The following NAALADL2 variants were observed in gnomAD, a reference collection of about 807,000 sequenced individuals.
NAALADL2 encodes the protein N-acetylated alpha-linked acidic dipeptidase like 2.
A neutral mutation model predicts 87.2 loss-of-function variants in NAALADL2; 76 were observed. The ratio of observed to expected loss-of-function variants is 0.87; its 90% confidence interval spans 0.72 to 1.05. NAALADL2 has a LOEUF of 1.05. NAALADL2 is among the 50% of genes least tolerant of loss of function. The pLI is 0.00. For synonymous variants in NAALADL2, 354 were observed against 331.0 expected, an observed-to-expected ratio of 1.07 and a Z score of -0.75; for missense variants, 1,089 against 945.8, an observed-to-expected ratio of 1.15 and a Z score of -1.99.
In NAALADL2 at chr3:175,090,032, C is replaced by T. The variant is rs75322379; in HGVS notation, c.44-6758C>T. Among the ~76,000 whole-genome samples, 1,005 of 152,126 alleles carry T rather than the reference C, an allele frequency of 6.6e-3. 13 individuals carry two copies. The highest frequency in any genetic ancestry group is 0.023 in the African/African-American group (972 of 41,508). ...GTGTGTTTCTAGTGTAAGCCACTTC[C>T]TACACTCTGAAGGTAGAAAGTATGT... On this transcript the variant is annotated intron_variant, in intron 1 of 13. Transcript: ENST00000454872.
chr3:175,268,059 G>A (rs955207196), intron 4 of NAALADL2, among the ~76,000 whole-genome samples: 2 of 152,128 alleles, frequency 1.3e-5, no homozygotes, highest in Non-Finnish European at 2.9e-5. Context: ...GAATAATACA[G>A]GCATGCATCA....
intron 5 of NAALADL2, among the ~76,000 whole-genome samples, chr3:175,331,970 G>A (rs1021124471): frequency 2.6e-5 from 4 of 152,062 alleles, no homozygotes; most frequent in Non-Finnish European, 5.9e-5. Flanking sequence ...AATAAAAAAC[G>A]CAATCCCATT....
intron 5 of NAALADL2, among the ~76,000 whole-genome samples, chr3:175,428,717 T>A (rs1325990133): frequency 6.6e-6 from 1 of 152,094 alleles, no homozygotes; most frequent in African/African-American, 2.4e-5. Flanking sequence ...CTGGGACAAC[T>A]ATAGCTGCCT....
At chr3:175,142,699 G>A (rs1730178669) in intron 2 of NAALADL2, among the ~76,000 whole-genome samples, 1 of 151,768 alleles carries the variant, frequency 6.6e-6, no homozygotes, top group Admixed American at 6.6e-5. Context: ...GTCTCATTCA[G>A]TATTTTGTAG....
intron 11 of NAALADL2, among the ~76,000 whole-genome samples, chr3:175,685,105 T>C (rs1342826042): frequency 6.6e-6 from 1 of 152,154 alleles, no homozygotes; most frequent in African/African-American, 2.4e-5. Context: ...TTCAAGGAGA[T>C]ACATTTGTTC....
intron 6 of NAALADL2, among the ~76,000 whole-genome samples, 177 bp from the exon 7 acceptor site, chr3:175,463,224 T>C (rs1398014674): frequency 6.6e-6 from 1 of 152,062 alleles, no homozygotes; most frequent in Non-Finnish European, 1.5e-5. Flanking sequence ...ACACCTAAAA[T>C]AGAATCTGTA....
chr3:174,713,654 T>C (rs1303495441), intron 2 of NAALADL2, among the ~76,000 whole-genome samples: 1 of 152,180 alleles, frequency 6.6e-6, no homozygotes, highest in Non-Finnish European at 1.5e-5. Flanking sequence ...TGGGGTTGTT[T>C]TTTTCTTGTA....
intron 2 of NAALADL2, among the ~76,000 whole-genome samples, chr3:174,659,065 G>T (rs1441621603): frequency 6.6e-6 from 1 of 151,880 alleles, no homozygotes; most frequent in Non-Finnish European, 1.5e-5. Context: ...TAGAGTTAAG[G>T]GTAGTGATTA....
chr3:174,699,934 C>T (rs2108879236), intron 2 of NAALADL2, among the ~76,000 whole-genome samples: 1 of 151,274 alleles, frequency 6.6e-6, no homozygotes, highest in East Asian at 1.9e-4. Context: ...TTTAGGGTCC[C>T]AGGTAGTTTC....
chr3:175,452,371 T>A (rs1028809176), intron 6 of NAALADL2, among the ~76,000 whole-genome samples: 1 of 152,108 alleles, frequency 6.6e-6, no homozygotes, highest in African/African-American at 2.4e-5. Context: ...ACAAACCTTT[T>A]TGGCCATAAC....
In NAALADL2 at chr3:175,591,023, T is replaced by TA. The variant is rs200386292; in HGVS notation, c.1800+14838dup. Among the ~76,000 whole-genome samples the TA allele has an allele frequency of 1.9e-3, 103 of 52,880 alleles. 1 individual carries two copies. In the East Asian group the frequency reaches 0.055, roughly 28 times the overall value. 34.7% of individuals were successfully genotyped at this position (52,880 alleles called of 152,430 possible). On this transcript the variant is annotated intron_variant, in intron 10 of 13. Transcript: ENST00000454872. ...GCTTGTGCTGTTACTACACTATGAT[T>TA]AACCTGTAAGGCAAGAGAAAAATAG...
chr3:175,227,927 A>G (rs1323228235), intron 2 of NAALADL2, among the ~76,000 whole-genome samples: 1 of 151,968 alleles, frequency 6.6e-6, no homozygotes, highest in Non-Finnish European at 1.5e-5. Flanking sequence ...CAGAATTTAA[A>G]AGTAATCTTA....
chr3:175,539,286 A>G (rs543369199), intron 9 of NAALADL2, among the ~76,000 whole-genome samples: 4 of 152,310 alleles, frequency 2.6e-5, no homozygotes, highest in Admixed American at 2.0e-4. Flanking sequence ...TTAGATTTCT[A>G]CAGTAAAGTT....
At chr3:174,879,396 T>C (rs372822950) in intron 1 of NAALADL2, among the ~76,000 whole-genome samples, 1 of 152,070 alleles carries the variant, frequency 6.6e-6, no homozygotes, top group African/African-American at 2.4e-5. Context: ...ATTAGGTCCT[T>C]TATGTTCAAT....
At chr3:175,311,667 C>G (rs1175782621) in intron 4 of NAALADL2, among the ~76,000 whole-genome samples, 8 of 146,070 alleles carry the variant, frequency 5.5e-5, no homozygotes, top group Non-Finnish European at 1.5e-5. Flanking sequence ...TCCCTTCTTT[C>G]CTTCCTTTCC....
chr3:175,319,925 G>A (rs542861593), intron 4 of NAALADL2, among the ~76,000 whole-genome samples: 3 of 152,226 alleles, frequency 2.0e-5, no homozygotes, highest in Non-Finnish European at 4.4e-5. Flanking sequence ...GGTGTACAAT[G>A]ATAGAGAAGG....
At chr3:175,683,278 T>C (rs1735843405) in intron 11 of NAALADL2, among the ~76,000 whole-genome samples, 1 of 152,024 alleles carries the variant, frequency 6.6e-6, no homozygotes, top group South Asian at 2.1e-4. Flanking sequence ...TGTGGTTCAA[T>C]TGTATTTTTC....
chr3:174,515,825 A>G (rs557702514), intron 1 of NAALADL2, among the ~76,000 whole-genome samples: 1 of 152,186 alleles, frequency 6.6e-6, no homozygotes, highest in African/African-American at 2.4e-5. Context: ...CATTTTCTCA[A>G]TACAGTGCCT....
intron 2 of NAALADL2, among the ~76,000 whole-genome samples, chr3:175,144,197 C>CAT (rs1730433055): frequency 6.6e-6 from 1 of 151,314 alleles, no homozygotes; most frequent in Non-Finnish European, 1.5e-5. Context: ...CAGCATGCTG[C>CAT]AATATTATAA....
Sources: gnomAD v4.1 joint callset for allele counts (sites outside exome capture counted in the v4.1 genomes callset) on GRCh38, gnomAD v4.1.1 for gene constraint, MANE v1.5 for transcripts, NCBI Gene and HGNC (gene_info 2026-07-23, HGNC 2026-07-21) for gene names.